CAMTA1: variants seen among roughly 807,000 people sequenced by gnomAD.
CAMTA1 encodes the protein calmodulin binding transcription activator 1, also known as calmodulin-binding transcription activator 1.
In CAMTA1, 27 loss-of-function variants were observed where a neutral mutation model predicts 170.9. The observed-to-expected ratio is 0.16, with a 90% CI of 0.12 to 0.22. The LOEUF is 0.22. Ranked by LOEUF, CAMTA1 falls within the 10% of genes least tolerant of loss-of-function variation. The pLI, the probability that CAMTA1 is intolerant of heterozygous loss-of-function variation, is 1.00. For missense variants in CAMTA1, 1,619 were observed against 2,217.2 expected, an observed-to-expected ratio of 0.73 and a Z score of 5.42; for synonymous variants, 833 against 891.5, an observed-to-expected ratio of 0.93 and a Z score of 1.17.
intron 1 of CAMTA1, among the ~76,000 whole-genome samples, chr1:6,816,869 G>A (rs1388523939): frequency 6.6e-6 from 1 of 152,230 alleles, no homozygotes; most frequent in African/African-American, 2.4e-5. Flanking sequence ...TGGCACAGGG[G>A]TATCTAGTAC....
intron 5 of CAMTA1, among the ~76,000 whole-genome samples, chr1:7,393,084 A>G: frequency 6.6e-6 from 1 of 151,508 alleles, no homozygotes; most frequent in Admixed American, 6.6e-5. Context: ...TAGTTGCTCC[A>G]CATCCTTGCC....
At chr1:7,446,799 G>A (rs999573890) in intron 5 of CAMTA1, among the ~76,000 whole-genome samples, 4 of 152,202 alleles carry the variant, frequency 2.6e-5, no homozygotes, top group South Asian at 2.1e-4. Flanking sequence ...CCCTTCCCCG[G>A]GGCTGTGGAG....
chr1:7,628,031 G>A (rs1425024407), intron 6 of CAMTA1, among the ~76,000 whole-genome samples: 1 of 152,280 alleles, frequency 6.6e-6, no homozygotes, highest in East Asian at 1.9e-4. Flanking sequence ...CAAAAAACTC[G>A]ACTTGAACTG....
chr1:7,118,151 C>T (rs1337558600), intron 4 of CAMTA1, among the ~76,000 whole-genome samples: 2 of 152,124 alleles, frequency 1.3e-5, no homozygotes, highest in African/African-American at 4.8e-5. Context: ...GTACAGCCAG[C>T]TCTGATTGCT....
rs139380560 is a variant in CAMTA1 at position 7,313,894 on chromosome 1, A to G, written c.438+64268A>G. On this transcript the variant is annotated intron_variant, in intron 5 of 22. Coordinates refer to ENST00000303635, the MANE Select transcript of CAMTA1 (RefSeq NM_015215.4). ...GGTCATCCTTGGAAGGCAGCGAGAA[A>G]GCAGTGCGGAGAGGGCACATCAGAG... 1.4e-4 allele frequency among the ~76,000 whole-genome samples: 22 copies of G among 152,334 alleles called. No homozygotes were observed. The East Asian group carries it at 4.1e-3, about 28-fold the overall frequency.
intron 6 of CAMTA1, among the ~76,000 whole-genome samples, chr1:7,541,570 C>T (rs747914218): frequency 6.6e-6 from 1 of 152,186 alleles, no homozygotes; most frequent in Non-Finnish European, 1.5e-5. Flanking sequence ...ATTACAATGT[C>T]GTATTGATTA....
At chr1:7,076,436 T>G (rs1572872714) in intron 3 of CAMTA1, among the ~76,000 whole-genome samples, 1 of 152,234 alleles carries the variant, frequency 6.6e-6, no homozygotes, top group East Asian at 1.9e-4. Context: ...TATGAGCTTT[T>G]GCGCTCCTTA....
At chr1:7,001,420 A>AC (rs1698191483) in intron 3 of CAMTA1, among the ~76,000 whole-genome samples, 1 of 152,212 alleles carries the variant, frequency 6.6e-6, no homozygotes, top group African/African-American at 2.4e-5. Context: ...TTGCACGCTG[A>AC]CCTGCTATTT....
At chr1:6,956,265 C>T (rs1371878335) in intron 3 of CAMTA1, among the ~76,000 whole-genome samples, 2 of 152,074 alleles carry the variant, frequency 1.3e-5, no homozygotes, top group Non-Finnish European at 2.9e-5. Context: ...GAAAATATTC[C>T]CCCTTCCCTC....
At chr1:7,138,952 A>G (rs1645704726) in intron 4 of CAMTA1, among the ~76,000 whole-genome samples, 1 of 150,038 alleles carries the variant, frequency 6.7e-6, no homozygotes, top group Non-Finnish European at 1.5e-5. Context: ...CCAACATGGC[A>G]CCACTGTACT....
intron 3 of CAMTA1, among the ~76,000 whole-genome samples, chr1:6,889,943 T>C (rs1474252855): frequency 6.6e-6 from 1 of 152,234 alleles, no homozygotes; most frequent in Non-Finnish European, 1.5e-5. Context: ...GACCAGCAAA[T>C]GCTTAAAGCC....
chr1:6,990,777 CTCTCTCTG>C (rs1380911847), intron 3 of CAMTA1, among the ~76,000 whole-genome samples: 450 of 122,016 alleles, frequency 3.7e-3, no homozygotes, highest in African/African-American at 0.014. Flanking sequence ...TGTACTTTCT[CTCTCTCTG>C]TCTCTCTCTC....
At chr1:7,168,829 T>G (rs1649033411) in intron 4 of CAMTA1, among the ~76,000 whole-genome samples, 1 of 152,224 alleles carries the variant, frequency 6.6e-6, no homozygotes, top group South Asian at 2.1e-4. Flanking sequence ...GAAATATTAA[T>G]AGCAGGAACT....
At chr1:7,096,735 C>T (rs371895044) in intron 4 of CAMTA1, among the ~76,000 whole-genome samples, 1 of 152,164 alleles carries the variant, frequency 6.6e-6, no homozygotes, top group African/African-American at 2.4e-5. Flanking sequence ...GCCACTGTTA[C>T]GCTTGGAGTA....
intron 6 of CAMTA1, among the ~76,000 whole-genome samples, chr1:7,573,576 G>A (rs1389493631): frequency 6.6e-6 from 1 of 152,238 alleles, no homozygotes; most frequent in African/African-American, 2.4e-5. Flanking sequence ...CCTTCCAGGA[G>A]AGCCTATGCC....
intron 22 of CAMTA1, among the ~76,000 whole-genome samples, chr1:7,760,182 A>C (rs982333593): frequency 1.3e-5 from 2 of 152,228 alleles, no homozygotes; most frequent in Admixed American, 6.5e-5. Context: ...TTTTAGTCAC[A>C]TATTTTCAAA....
In CAMTA1 at chr1:7,747,919, T is replaced by A. The variant is rs12740735; in HGVS notation, c.4689+138T>A. 3.6e-3 allele frequency: 1,474 copies of A among 406,422 alleles called. 3 individuals are homozygous for A. The highest frequency in any genetic ancestry group is 4.0e-3 in the Non-Finnish European group (921 of 229,460). 25.2% of individuals were successfully genotyped at this position (406,422 alleles called of 1,614,324 possible). ...TGTTTTTTGGTTGTTTTTTTTTTTT[T>A]ATTTTTTTTTTGAAACGGAGTCTGG... On this transcript the variant is annotated intron_variant, in intron 19 of 22. Coordinates refer to ENST00000303635, the MANE Select transcript of CAMTA1 (RefSeq NM_015215.4).
At chr1:7,478,659 C>T (rs955684649) in intron 6 of CAMTA1, among the ~76,000 whole-genome samples, 2 of 152,218 alleles carry the variant, frequency 1.3e-5, no homozygotes, top group Admixed American at 6.5e-5. Context: ...CTTGGCTAAA[C>T]AATCGCTTTT....
intron 3 of CAMTA1, among the ~76,000 whole-genome samples, chr1:6,959,419 A>C (rs1690003113): frequency 6.6e-6 from 1 of 152,180 alleles, no homozygotes; most frequent in African/African-American, 2.4e-5. Flanking sequence ...GGATGAAGCC[A>C]CTTGCTCAGA....
Sources: allele counts gnomAD v4.1 joint callset (sites outside exome capture counted in the v4.1 genomes callset), GRCh38; gene constraint gnomAD v4.1.1; transcripts MANE v1.5; gene names NCBI Gene and HGNC (gene_info 2026-07-23, HGNC 2026-07-21).